Variants in SMARCA5 observed in about 807,000 individuals in gnomAD.
SMARCA5 encodes SWI/SNF-related matrix-associated actin-dependent regulator of chromatin subfamily A member 5.
Under a neutral mutation model 140.4 loss-of-function variants are expected in SMARCA5, and 18 were observed. That is an observed-to-expected ratio of 0.13 (90% CI 0.09 to 0.19). The LOEUF is 0.19. Ranked by LOEUF, SMARCA5 falls within the 10% of genes least tolerant of loss-of-function variation. SMARCA5 has a pLI of 1.00. For synonymous variants in SMARCA5, 449 were observed against 419.6 expected, an observed-to-expected ratio of 1.07 and a Z score of -0.86; for missense variants, 606 against 1,276.8, an observed-to-expected ratio of 0.47 and a Z score of 8.01.
At chr4:143,530,165 T>G (rs992104216) in intron 8 of SMARCA5, among the ~76,000 whole-genome samples, 4 of 152,232 alleles carry the variant, frequency 2.6e-5, no homozygotes, top group Non-Finnish European at 5.9e-5. Flanking sequence ...TGAAAGATAC[T>G]TTACAAGAAT....
chr4:143,551,787 C>A (rs985313698), intron 23 of SMARCA5, among the ~76,000 whole-genome samples: 1 of 152,066 alleles, frequency 6.6e-6, no homozygotes, highest in Non-Finnish European at 1.5e-5. Context: ...TGTTTCTATA[C>A]CAGCACCATG....
In SMARCA5 at chr4:143,556,853, A is replaced by G. The variant is rs1043816941; in HGVS notation, c.*3669A>G. On this transcript the variant is annotated 3_prime_UTR_variant, in exon 24 of 24. Coordinates refer to ENST00000283131, the MANE Select transcript of SMARCA5 (RefSeq NM_003601.4). ...TAGGCTTTTGCAGCATTAACTTTAC[A>G]GTAGTTACCAGAAAAGACTATGCTA... The G allele has an allele frequency of 6.6e-6, 1 of 152,236 alleles. No homozygotes were observed. The highest frequency in any genetic ancestry group is 1.5e-5 in the Non-Finnish European group (1 of 68,038). 9.4% of individuals were successfully genotyped at this position (152,236 alleles called of 1,614,324 possible).
intron 13 of SMARCA5, 69 bp downstream of exon 13, chr4:143,539,007 A>C: frequency 1.5e-6 from 2 of 1,340,914 alleles, no homozygotes; most frequent in Non-Finnish European, 2.1e-6. Flanking sequence ...CTAATTCTAC[A>C]AATATCAGTG....
intron 19 of SMARCA5, 77 bp from the exon 20 acceptor site, chr4:143,546,699 T>C: frequency 2.9e-6 from 4 of 1,400,488 alleles, no homozygotes; most frequent in Non-Finnish European, 3.9e-6. Context: ...TTTTGTAATA[T>C]TTAGAAGGTT....
rs1306149432 is a variant in SMARCA5, at chr4:143,547,427, A to G, written c.2696A>G (p.Lys899Arg). ...TGCAACGAGCTCCAGGACATAGAGA[A>G]GATTATGGCTCAGATTGAAAGGGGA... The part of the protein sequence containing the change: ...ERCNELQDIE[K>R]IMAQIERGEA... Residue 899 changes from lysine to arginine, a missense_variant, in exon 21 of 24, where the codon AAG (lysine) becomes AGG (arginine). Lys to Arg is a conservative substitution (Grantham distance 26, BLOSUM62 2). Transcript: ENST00000283131. The G allele has an allele frequency of 1.9e-6, 3 of 1,610,490 alleles. No homozygotes were observed. Among genetic ancestry groups the G allele is most frequent in the East Asian group, 2.2e-5 (1 of 44,786 alleles).
intron 2 of SMARCA5, among the ~76,000 whole-genome samples, chr4:143,519,436 A>G (rs1736909908): frequency 6.6e-6 from 1 of 151,984 alleles, no homozygotes; most frequent in Non-Finnish European, 1.5e-5. Context: ...GCCCCTTCCA[A>G]GTTTCTTAAC....
At chr4:143,515,251 A>C (rs765544447) in intron 1 of SMARCA5, among the ~76,000 whole-genome samples, 1 of 152,228 alleles carries the variant, frequency 6.6e-6, no homozygotes, top group Non-Finnish European at 1.5e-5. Context: ...GGGTTAAGTA[A>C]CATTAATGTT....
At position 143,556,893 on chromosome 4, in the gene SMARCA5, GAAGT is replaced by G. The variant is rs1404022400; in HGVS notation, c.*3713_*3716del. On this transcript the variant is annotated 3_prime_UTR_variant, in exon 24 of 24. Transcript: ENST00000283131. Reference sequence around the variant, plus strand: ...AGACTATGCTACAAGAACCAAAATTGAAGTAAGAAGAAAAAGACTGAAATGATAT... The same window carrying G: ...AGACTATGCTACAAGAACCAAAATTGAAGAAGAAAAAGACTGAAATGATAT... The G allele has an allele frequency of 6.6e-6, 1 of 152,122 alleles. No individual in the cohort carries two copies. Among genetic ancestry groups the G allele is most frequent in the African/African-American group, 2.4e-5 (1 of 41,434 alleles). The allele number at this position is 152,122 out of a possible 1,614,324, so 9.4% of individuals were successfully genotyped here.
intron 6 of SMARCA5, 78 bp from the exon 7 acceptor site, chr4:143,527,790 T>C (rs1737105098): frequency 4.1e-6 from 5 of 1,225,736 alleles, no homozygotes. Context: ...TCTTTTTATA[T>C]ACTAGATTAC....
chr4:143,524,397 G>A lies in SMARCA5; in HGVS notation c.450G>A (p.Glu150=). The A allele has an allele frequency of 3.1e-6, 5 of 1,612,786 alleles. No homozygotes were observed. The highest frequency in any genetic ancestry group is 4.2e-6 in the Non-Finnish European group (5 of 1,179,294). Reference sequence around the variant, plus strand: ...GACACCGTAGAACAGAGCAAGAGGAGGATGAAGAGCTATTAACAGAAAGCT... The same window carrying A: ...GACACCGTAGAACAGAGCAAGAGGAAGATGAAGAGCTATTAACAGAAAGCT... ...DYRHRRTEQE[E]DEELLTESSK... Residue 150 remains glutamate, a synonymous_variant, in exon 4 of 24, where the codon GAG becomes GAA. Transcript: ENST00000283131.
At position 143,517,745 on chromosome 4, in the gene SMARCA5, T is replaced by C. The variant is rs1736869903; in HGVS notation, c.252+316T>C. On this transcript the variant is annotated intron_variant, in intron 2 of 23. Transcript: ENST00000283131. ...TCCTGAGATACTGACAGTAATCTTT[T>C]CCTAATCACCTCTTATTAGGCCCTA... Among the ~76,000 whole-genome samples, 5 of 152,284 alleles carry C rather than the reference T, an allele frequency of 3.3e-5. No homozygotes were observed. In the South Asian group the frequency reaches 8.3e-4, roughly 25 times the overall value.
Position 143,550,062 on chromosome 4 carries a change from A to G in SMARCA5, c.3051A>G (p.Glu1017=). 1 of 1,593,164 alleles carries G rather than the reference A, an allele frequency of 6.3e-7. No individual in the cohort carries two copies. The highest frequency in any genetic ancestry group is 8.5e-7 in the Non-Finnish European group (1 of 1,172,694). The change falls in exon 23 of 24, where the codon GAA becomes GAG. Residue 1017 remains glutamate (E), a synonymous_variant. Coordinates refer to ENST00000283131, the MANE Select transcript of SMARCA5 (RefSeq NM_003601.4). ...LIERENMELE[E]KEKAEKKKRG... ...AAAGAGAAAACATGGAACTAGAAGA[A>G]AAGGAGAAGGCAGAGAAAAAGAAAC...
rs1736763876 is a variant in SMARCA5 at position 143,514,012 on chromosome 4, A to G, written c.88A>G (p.Asn30Asp). The change falls in exon 1 of 24, where the codon AAC (asparagine) becomes GAC (aspartate). Residue 30 changes from asparagine (N) to aspartate (D), a missense_variant. By Grantham distance (23) the Asn-to-Asp change is conservative (BLOSUM62 1). This residue lies in a region of SMARCA5 where 164 missense variants were observed against 128.4 expected (regional missense o/e 1.28). Coordinates refer to ENST00000283131, the MANE Select transcript of SMARCA5 (RefSeq NM_003601.4). ...PAASIASGGS[N>D]SSNKGGPEGV... ...AGCCTCGATCGCCAGCGGCGGGAGC[A>G]ACAGCAGCAACAAAGGCGGCCCCGA... is the stretch of plus-strand genomic sequence containing the variant. 1.3e-6 allele frequency: 2 copies of G among 1,551,276 alleles called. No individual in the cohort carries two copies. The highest frequency in any genetic ancestry group is 2.7e-5 in the African/African-American group (2 of 73,510).
Position 143,555,210 on chromosome 4 carries a change from G to A in SMARCA5, c.*2026G>A. ...AAGTATTGGCCTCTACCACCATAGG[G>A]CCCAGAGCTTCTGCCTCCAAAGTTT... On this transcript the variant is annotated 3_prime_UTR_variant, in exon 24 of 24. Transcript: ENST00000283131. 2 of 793,178 alleles carry A rather than the reference G, an allele frequency of 2.5e-6. No individual in the cohort carries two copies. The highest frequency in any genetic ancestry group is 4.4e-6 in the Non-Finnish European group (2 of 453,012). 49.1% of individuals were successfully genotyped at this position (793,178 alleles called of 1,614,324 possible).
intron 3 of SMARCA5, among the ~76,000 whole-genome samples, chr4:143,521,963 T>C (rs990561304): frequency 6.6e-5 from 10 of 151,974 alleles, no homozygotes; most frequent in African/African-American, 2.4e-4. Flanking sequence ...TTATATAGTT[T>C]ATGAATTGTA....
At chr4:143,527,791 A>G in intron 6 of SMARCA5, 77 bp from the exon 7 acceptor site, 2 of 1,232,134 alleles carry the variant, frequency 1.6e-6, no homozygotes, top group Admixed American at 2.4e-5. Flanking sequence ...CTTTTTATAT[A>G]CTAGATTACT....
chr4:143,521,598 G>A lies in SMARCA5; in HGVS notation c.419+3G>A, dbSNP rs755274870. ...CAGAACTTACTATCCGTTGGCGAGT[G>A]AGTAATAGTTTAAACTTCATAGTTC... On this transcript the variant is annotated splice_donor_region_variant and intron_variant, in intron 3 of 23. Coordinates refer to ENST00000283131, the MANE Select transcript of SMARCA5 (RefSeq NM_003601.4). 7 of 1,605,072 alleles carry A rather than the reference G, an allele frequency of 4.4e-6. No individual in the cohort carries two copies. In the Admixed American group the frequency reaches 8.6e-5, roughly 20 times the overall value.
intron 3 of SMARCA5, 117 bp from the exon 4 acceptor site, chr4:143,524,250 C>T: frequency 1.7e-6 from 1 of 582,516 alleles, no homozygotes; most frequent in Non-Finnish European, 3.1e-6. Flanking sequence ...CTGGTTGATG[C>T]CTGTTAAAAA....
Position 143,554,100 on chromosome 4 carries a change from T to A in SMARCA5, c.*916T>A, listed in dbSNP as rs1010240637. ...CTTTTAGGGTAAATGAAAATTTTAT[T>A]GTATTTTAAAGTAGTTTCTAAGTGT... On this transcript the variant is annotated 3_prime_UTR_variant, in exon 24 of 24. Transcript: ENST00000283131. 3 of 152,040 alleles carry A rather than the reference T, an allele frequency of 2.0e-5. No individual in the cohort carries two copies. Among genetic ancestry groups the A allele is most frequent in the African/African-American group, 7.2e-5 (3 of 41,424 alleles). 9.4% of individuals were successfully genotyped at this position (152,040 alleles called of 1,614,324 possible).
Sources: allele counts gnomAD v4.1 joint callset (sites outside exome capture counted in the v4.1 genomes callset), GRCh38; gene constraint gnomAD v4.1.1; regional missense constraint gnomAD v4.1.1; transcripts MANE v1.5; gene names NCBI Gene and HGNC (gene_info 2026-07-23, HGNC 2026-07-21).